PCDHGB5: variants seen among roughly 807,000 people sequenced by gnomAD.
PCDHGB5 encodes protocadherin gamma-B5.
Under a neutral mutation model 62.9 loss-of-function variants are expected in PCDHGB5, and 48 were observed. The observed-to-expected ratio is 0.76, with a 90% CI of 0.61 to 0.97. The LOEUF (loss-of-function observed/expected upper bound fraction) is 0.97. Ranked by LOEUF, PCDHGB5 falls within the 50% of genes least tolerant of loss-of-function variation. The probability of loss-of-function intolerance (pLI) is 0.00; values close to 1 mark genes in which losing one functional copy is unlikely to be tolerated. For synonymous variants in PCDHGB5, 474 were observed against 511.2 expected (o/e 0.93, Z 0.98); for missense variants, 1,118 against 1,198.6 (o/e 0.93, Z 0.99).
chr5:141,405,439 A>G (rs1285285172), intron 1 of PCDHGB5: 1 of 1,423,798 alleles, frequency 7.0e-7, no homozygotes, highest in Admixed American at 2.0e-5. Context: ...TTTGTTTTTG[A>G]GACAGAGTCT....
At chr5:141,421,966 G>A in intron 1 of PCDHGB5, 1 of 1,610,918 alleles carries the variant, frequency 6.2e-7, no homozygotes, top group Non-Finnish European at 8.5e-7. Flanking sequence ...TACACAGTCC[G>A]TATATCGCGT....
chr5:141,423,708 T>A (rs1384948123), intron 1 of PCDHGB5: 23 of 1,349,902 alleles, frequency 1.7e-5, no homozygotes, highest in Non-Finnish European at 2.2e-5. Flanking sequence ...TTGGCACAAG[T>A]CTTTTAAGGA....
At position 141,491,591 on chromosome 5, in the gene PCDHGB5, G is replaced by A. The variant is rs969259993; in HGVS notation, c.2398-3216G>A. 22 of 1,613,862 alleles carry A rather than the reference G, an allele frequency of 1.4e-5. No individual in the cohort carries two copies. The highest frequency in any genetic ancestry group is 1.8e-5 in the Non-Finnish European group (21 of 1,180,048). ...ACGTGCTTTTCACCGGCCTCGGACG[G>A]CAGTGACTTCACTTTTCTAAGACCC... On this transcript the variant is annotated intron_variant, in intron 1 of 3. Coordinates refer to ENST00000617380, the MANE Select transcript of PCDHGB5 (RefSeq NM_018925.3). This position sits in a 1 kb window ranked among gnomAD's most constrained non-coding sequence, Gnocchi z 6.9.
chr5:141,480,955 G>A (rs2154578440), intron 1 of PCDHGB5, among the ~76,000 whole-genome samples: 1 of 152,304 alleles, frequency 6.6e-6, no homozygotes, highest in South Asian at 2.1e-4. Context: ...TGAGGCGGAA[G>A]CATCAGTGAG....
At chr5:141,427,721 A>C (rs904969652) in intron 1 of PCDHGB5, 3 of 1,110,498 alleles carry the variant, frequency 2.7e-6, no homozygotes, top group Non-Finnish European at 4.0e-6. Context: ...ACCTGGACCT[A>C]GGGCTGAATG....
intron 1 of PCDHGB5, among the ~76,000 whole-genome samples, chr5:141,454,859 G>A (rs2098805080): frequency 7.9e-6 from 1 of 126,982 alleles, no homozygotes; most frequent in African/African-American, 3.1e-5. Flanking sequence ...CCAGGCTGGA[G>A]TGCAGTGGCA....
At position 141,399,095 on chromosome 5, in the gene PCDHGB5, T is replaced by G. The variant is rs1342683408; in HGVS notation, c.968T>G (p.Leu323Arg). The G allele has an allele frequency of 1.2e-6, 2 of 1,613,850 alleles. No homozygotes were observed. The highest frequency in any genetic ancestry group is 2.2e-5 in the East Asian group (1 of 44,894). Residue 323 changes from leucine to arginine, a missense_variant, in exon 1 of 4, where the codon CTG (leucine) becomes CGG (arginine). Around this residue, in one of 2 missense-constraint regions of PCDHGB5, gnomAD observed 1,034 missense variants for 1,029.1 expected, o/e 1.00. Coordinates refer to ENST00000617380, the MANE Select transcript of PCDHGB5 (RefSeq NM_018925.3). ...MVVEGRDGGGLVAQCTVEINI... is the reference protein window; with the variant it reads ...MVVEGRDGGGRVAQCTVEINI... The stretch of plus-strand genomic sequence containing the variant: ...GTAGAAGGGAGGGATGGTGGTGGAC[T>G]GGTTGCACAATGTACAGTTGAAATT...
chr5:141,486,725 C>A lies in PCDHGB5; in HGVS notation c.2398-8082C>A. 1 of 1,614,182 alleles carries A rather than the reference C, an allele frequency of 6.2e-7. No individual in the cohort carries two copies. The highest frequency in any genetic ancestry group is 1.1e-5 in the South Asian group (1 of 91,076). On this transcript the variant is annotated intron_variant, in intron 1 of 3. Transcript: ENST00000617380. The surrounding 1 kb of genome is among the most constrained non-coding windows in gnomAD (Gnocchi z 5.0). ...TCTGAACCCCCAGACAGGAGCTGTT[C>A]ATGCTACTCGATCCTTTGACTATGA...
intron 1 of PCDHGB5, among the ~76,000 whole-genome samples, chr5:141,484,627 A>G (rs866882607): frequency 5.3e-5 from 8 of 152,162 alleles, no homozygotes; most frequent in Middle Eastern, 3.4e-3. Flanking sequence ...TGGCTTGAAC[A>G]AAGTGACCAC....
intron 1 of PCDHGB5, chr5:141,403,000 A>T: frequency 1.1e-5 from 18 of 1,613,980 alleles, no homozygotes; most frequent in Non-Finnish European, 1.4e-5. Context: ...TAGTCCTGCT[A>T]TGCTCGCTCC....
chr5:141,409,060 G>C (rs1464240645), intron 1 of PCDHGB5: 1 of 1,614,000 alleles, frequency 6.2e-7, no homozygotes, highest in Non-Finnish European at 8.5e-7. Flanking sequence ...GCACTGCCCA[G>C]AGCACAAAAC....
At chr5:141,455,160 GT>G (rs59530096) in intron 1 of PCDHGB5, among the ~76,000 whole-genome samples, 102 of 149,212 alleles carry the variant, frequency 6.8e-4, no homozygotes, top group East Asian at 7.9e-4. Flanking sequence ...TAGTTTGTTG[GT>G]TTTTTTTTTA....
chr5:141,467,952 C>A (rs1341210155), intron 1 of PCDHGB5, among the ~76,000 whole-genome samples: 1 of 152,186 alleles, frequency 6.6e-6, no homozygotes, highest in Non-Finnish European at 1.5e-5. Flanking sequence ...AGCCACCACA[C>A]CCGGCTGCCA....
At chr5:141,438,633 TATACACACAC>T (rs1369232099) in intron 1 of PCDHGB5, among the ~76,000 whole-genome samples, 454 of 33,892 alleles carry the variant, frequency 0.013, 1 homozygote, top group Non-Finnish European at 0.019. Flanking sequence ...TATATATATA[TATACACACAC>T]ACACACACAT....
chr5:141,500,189 TTTATTTATTTATTTATTTA>T (rs2099797567), intron 2 of PCDHGB5, among the ~76,000 whole-genome samples: 1 of 110,894 alleles, frequency 9.0e-6, no homozygotes, highest in Non-Finnish European at 1.8e-5. Flanking sequence ...TTTATTTTTA[TTTATTTATTTATTTATTTA>T]TTTATTTATT....
At chr5:141,504,306 G>A (rs2099837315) in intron 2 of PCDHGB5, among the ~76,000 whole-genome samples, 1 of 152,076 alleles carries the variant, frequency 6.6e-6, no homozygotes, top group South Asian at 2.1e-4. Context: ...AACACTCGGA[G>A]TTTCTAAAAG....
intron 1 of PCDHGB5, among the ~76,000 whole-genome samples, chr5:141,451,067 A>G (rs948528671): frequency 6.6e-6 from 1 of 151,848 alleles, no homozygotes; most frequent in African/African-American, 2.4e-5. Flanking sequence ...TGACCTTGTG[A>G]TCCACCCACC....
chr5:141,431,036 G>A lies in PCDHGB5; in HGVS notation c.2397+30512G>A. The A allele has an allele frequency of 6.2e-7, 1 of 1,614,204 alleles. No individual in the cohort carries two copies. Among genetic ancestry groups the A allele is most frequent in the Non-Finnish European group, 8.5e-7 (1 of 1,180,034 alleles). ...GGTCACGGCGGGCAGGATAGACCGG[G>A]AGGAGCTCTGTATGGGGGCCATCAA... On this transcript the variant is annotated intron_variant, in intron 1 of 3. Coordinates refer to ENST00000617380, the MANE Select transcript of PCDHGB5 (RefSeq NM_018925.3). This position sits in a 1 kb window ranked among gnomAD's most constrained non-coding sequence, Gnocchi z 4.8.
intron 1 of PCDHGB5, chr5:141,403,779 A>G: frequency 6.2e-7 from 1 of 1,613,970 alleles, no homozygotes; most frequent in Non-Finnish European, 8.5e-7. Context: ...ATCAACGGAA[A>G]AGTGGCATAC....
Sources: allele counts gnomAD v4.1 joint callset (sites outside exome capture counted in the v4.1 genomes callset), GRCh38; gene constraint gnomAD v4.1.1; regional missense constraint gnomAD v4.1.1; non-coding constraint Gnocchi (gnomAD v3.1); transcripts MANE v1.5; gene names NCBI Gene and HGNC (gene_info 2026-07-23, HGNC 2026-07-21).